Variants in LPA observed in about 807,000 individuals in gnomAD.
The protein encoded by LPA is apolipoprotein(a).
LPA carries 199 observed loss-of-function variants against 197.9 expected under a neutral mutation model. The ratio of observed to expected loss-of-function variants is 1.01; its 90% CI spans 0.90 to 1.13. The LOEUF is 1.13. LPA is among the 50% of genes most tolerant of loss of function. LPA has a pLI of 0.00. For synonymous variants in LPA, 715 were observed against 639.5 expected (o/e 1.12, Z -1.78); for missense variants, 1,853 against 1,785.8 (o/e 1.04, Z -0.68).
rs747169491 is a variant in LPA at position 160,606,500 on chromosome 6, C to T, written c.2762G>A (p.Ser921Asn). The T allele has an allele frequency of 6.2e-7, 1 of 1,613,518 alleles. No individual in the cohort carries two copies. The highest frequency in any genetic ancestry group is 1.1e-5 in the South Asian group (1 of 91,056). ...ACCTTGTTCAGAAGGAGCCTCTAGG[C>T]TTGGAATCGGGGTAATAGTTGGAGG... ...VAPPTITPIP[S>N]LEAPSEQAPT... Residue 921 changes from serine to asparagine, a missense_variant, in exon 17 of 39, where the codon AGC becomes AAC. Physicochemically the swap from Ser to Asn is conservative, Grantham distance 46. This residue lies in a region of LPA where 1,737 missense variants were observed against 1,504.4 expected (regional missense o/e 1.15). Transcript: ENST00000316300.
At chr6:160,606,757 CCTTT>C (rs1457052914) in intron 16 of LPA, 99 bp from the exon 17 acceptor site, 2 of 1,521,700 alleles carry the variant, frequency 1.3e-6, no homozygotes, top group Admixed American at 3.3e-5. Context: ...ATTACCAGTG[CCTTT>C]CTAATATTCC....
chr6:160,585,328 C>T (rs1000313806), intron 25 of LPA, 123 bp from the exon 26 acceptor site: 1 of 894,742 alleles, frequency 1.1e-6, no homozygotes. Flanking sequence ...TATTAGCATG[C>T]AAATTGAAAT....
Position 160,600,958 on chromosome 6 carries a change from T to G in LPA, c.3086A>C (p.Asn1029Thr). The G allele has an allele frequency of 6.2e-7, 1 of 1,613,452 alleles. No homozygotes were observed. The highest frequency in any genetic ancestry group is 8.5e-7 in the Non-Finnish European group (1 of 1,179,960). Residue 1029 changes from asparagine to threonine, a missense_variant, in exon 19 of 39, where the codon AAT becomes ACT. This residue lies in a region of LPA where 1,737 missense variants were observed against 1,504.4 expected (regional missense o/e 1.15). Transcript: ENST00000316300. ...CTCTAGGCTTGGAGCCAGAATAACATTCGGAGGGACGAAGGCAGTCCATTC... is the reference window on the plus strand; with the variant it reads ...CTCTAGGCTTGGAGCCAGAATAACAGTCGGAGGGACGAAGGCAGTCCATTC... ...DAEWTAFVPP[N>T]VILAPSLEAF...
At chr6:160,595,157 C>A (rs1331149561) in intron 21 of LPA, among the ~76,000 whole-genome samples, 197 bp downstream of exon 21, 2 of 152,130 alleles carry the variant, frequency 1.3e-5, no homozygotes, top group Non-Finnish European at 1.5e-5. Context: ...ATAGATACCA[C>A]CCTTTCACAG....
chr6:160,648,470 G>C (rs1779944040), intron 2 of LPA, among the ~76,000 whole-genome samples: 1 of 151,924 alleles, frequency 6.6e-6, no homozygotes, highest in East Asian at 1.9e-4. Flanking sequence ...CCCTTTCTGT[G>C]ACTTGCTTCC....
At chr6:160,537,322 C>T (rs1232254797) in intron 37 of LPA, among the ~76,000 whole-genome samples, 1 of 152,158 alleles carries the variant, frequency 6.6e-6, no homozygotes, top group Admixed American at 6.5e-5. Context: ...GTCTGCCTCT[C>T]CCCCAGCTTC....
In LPA at chr6:160,585,076, T is replaced by A; in HGVS notation, c.4259A>T (p.His1420Leu). 6.2e-7 allele frequency: 1 copy of A among 1,613,832 alleles called. No homozygotes were observed. Among genetic ancestry groups the A allele is most frequent in the Admixed American group, 1.7e-5 (1 of 60,008 alleles). Residue 1420 changes from histidine (H) to leucine (L), a missense_variant, in exon 26 of 39, where the codon CAT (histidine) becomes CTT (leucine). This residue lies in a region of LPA where 1,737 missense variants were observed against 1,504.4 expected (regional missense o/e 1.15). Transcript: ENST00000316300. Reference protein sequence around the residue: ...QSWSSMTPHWHRRIPLYYPNA... With the variant: ...QSWSSMTPHWLRRIPLYYPNA... ...TGGATAGTATAATGGGATCCTCCGA[T>A]GCCAATGTGGTGTCATAGACGACCA...
chr6:160,535,563 GTAA>G (rs779933354), intron 37 of LPA, among the ~76,000 whole-genome samples: 2 of 932 alleles, frequency 2.1e-3, no homozygotes, highest in South Asian at 0.042. Context: ...GGTAGTGGTA[GTAA>G]TGATGATGGT....
intron 29 of LPA, among the ~76,000 whole-genome samples, 159 bp downstream of exon 29, chr6:160,557,231 G>C (rs975727171): frequency 2.0e-5 from 3 of 152,018 alleles, no homozygotes; most frequent in African/African-American, 7.2e-5. Flanking sequence ...CGCACGTTGC[G>C]CCAAAAATTG....
intron 23 of LPA, among the ~76,000 whole-genome samples, 197 bp from the exon 24 acceptor site, chr6:160,589,909 A>T (rs1384056043): frequency 6.6e-6 from 1 of 152,204 alleles, no homozygotes; most frequent in Non-Finnish European, 1.5e-5. Flanking sequence ...AGTTTTTAGA[A>T]AGATTTTCTT....
chr6:160,584,104 G>A (rs575615231), intron 26 of LPA, among the ~76,000 whole-genome samples: 1 of 151,870 alleles, frequency 6.6e-6, no homozygotes, highest in South Asian at 2.1e-4. Flanking sequence ...CAGAAAACTG[G>A]TGCTTAGAAC....
chr6:160,594,648 T>C (rs1046380304), intron 21 of LPA, among the ~76,000 whole-genome samples: 14 of 152,324 alleles, frequency 9.2e-5, no homozygotes, highest in Admixed American at 1.3e-4. Context: ...GCCAAAATTT[T>C]ATTCCCTTGG....
chr6:160,552,396 C>A (rs964236310), intron 30 of LPA, among the ~76,000 whole-genome samples: 18 of 152,118 alleles, frequency 1.2e-4, no homozygotes, highest in African/African-American at 3.9e-4. Context: ...ATATTTAGAT[C>A]TTTTAATTCT....
intron 22 of LPA, among the ~76,000 whole-genome samples, chr6:160,591,354 G>A (rs1056243425): frequency 1.9e-4 from 29 of 152,174 alleles, no homozygotes; most frequent in African/African-American, 6.8e-4. Context: ...AAACATCAAT[G>A]TGTACAAGAA....
chr6:160,568,832 A>G (rs1778510649), intron 28 of LPA, among the ~76,000 whole-genome samples: 1 of 152,198 alleles, frequency 6.6e-6, no homozygotes, highest in Non-Finnish European at 1.5e-5. Context: ...AAGCATTCCC[A>G]TACATGACTT....
At chr6:160,586,662 A>G in intron 24 of LPA, 32 bp from the exon 25 acceptor site, 1 of 1,613,052 alleles carries the variant, frequency 6.2e-7, no homozygotes, top group Non-Finnish European at 8.5e-7. Flanking sequence ...AGGTCACCAG[A>G]GATTGGAGAA....
At chr6:160,605,313 A>G (rs1214783863) in intron 17 of LPA, 108 bp from the exon 18 acceptor site, 1 of 1,283,362 alleles carries the variant, frequency 7.8e-7, no homozygotes, top group East Asian at 2.3e-5. Context: ...TTATGACCTC[A>G]GGAGAATATG....
At chr6:160,589,013 A>G (rs1778971029) in intron 24 of LPA, among the ~76,000 whole-genome samples, 1 of 152,204 alleles carries the variant, frequency 6.6e-6, no homozygotes, top group South Asian at 2.1e-4. Context: ...CCTGACTCTC[A>G]GCTGCCTTCC....
At chr6:160,542,465 T>G (rs1777995759) in intron 34 of LPA, among the ~76,000 whole-genome samples, 1 of 152,228 alleles carries the variant, frequency 6.6e-6, no homozygotes, top group Non-Finnish European at 1.5e-5. Context: ...CAGATTTTGA[T>G]GGAACTGCCC....
Sources: allele counts gnomAD v4.1 joint callset (sites outside exome capture counted in the v4.1 genomes callset), GRCh38; gene constraint gnomAD v4.1.1; regional missense constraint gnomAD v4.1.1; transcripts MANE v1.5; gene names NCBI Gene and HGNC (gene_info 2026-07-23, HGNC 2026-07-21).